Variants in RPS6KA2 observed in about 807,000 individuals in gnomAD.
RPS6KA2 encodes the protein ribosomal protein S6 kinase alpha-2.
A neutral mutation model predicts 91.8 loss-of-function variants in RPS6KA2; 42 were observed. That is an observed-to-expected ratio of 0.46 (90% CI 0.36 to 0.59). The LOEUF is 0.59. RPS6KA2 is among the 20% of genes least tolerant of loss of function. The pLI, the probability that RPS6KA2 is intolerant of heterozygous loss-of-function variation, is 0.00. For synonymous variants in RPS6KA2, 414 were observed against 393.6 expected (o/e 1.05, Z -0.61); for missense variants, 798 against 978.5 (o/e 0.82, Z 2.46).
rs1388731518 is a variant in RPS6KA2 at position 166,412,435 on chromosome 6, T to C, written c.*327A>G. 5.5e-6 allele frequency: 1 copy of C among 182,356 alleles called. No homozygotes were observed. Among genetic ancestry groups the C allele is most frequent in the Admixed American group, 6.2e-5 (1 of 16,226 alleles). 11.3% of individuals were successfully genotyped at this position (182,356 alleles called of 1,614,324 possible). On this transcript the variant is annotated 3_prime_UTR_variant, in exon 21 of 21. Coordinates refer to ENST00000265678, the MANE Select transcript of RPS6KA2 (RefSeq NM_021135.6). This position sits in a 1 kb window ranked among gnomAD's most constrained non-coding sequence, Gnocchi z 4.3. ...GCTTCATAATTGGAAAACAGATCTC[T>C]CGGCAGAAACAGAAGCCATGTATGA...
intron 14 of RPS6KA2, among the ~76,000 whole-genome samples, 184 bp from the exon 15 acceptor site, chr6:166,432,674 C>T (rs778631092): frequency 5.9e-5 from 9 of 152,136 alleles, no homozygotes; most frequent in Non-Finnish European, 1.0e-4. Context: ...TCTTTGACAA[C>T]TAGTGTAAGA....
At chr6:166,785,130 A>C (rs1383314647) in intron 2 of RPS6KA2, among the ~76,000 whole-genome samples, 2 of 152,180 alleles carry the variant, frequency 1.3e-5, no homozygotes, top group African/African-American at 2.4e-5. Flanking sequence ...TTCTTTGGAG[A>C]GCACTGACTA....
At position 166,770,730 on chromosome 6, in the gene RPS6KA2, G is replaced by C. The variant is rs557839451; in HGVS notation, c.123+87470C>G. On this transcript the variant is annotated intron_variant, in intron 2 of 21. Transcript: ENST00000503859. This position sits in a 1 kb window ranked among gnomAD's most constrained non-coding sequence, Gnocchi z 5.1. ...TGGTCCAGCCTTCTAAAAGCTCTTC[G>C]CACCTTGCCTTGCTGGACTCCGGGC... 6.0e-6 allele frequency: 5 copies of C among 827,770 alleles called. No homozygotes were observed. The South Asian group carries it at 8.7e-5, about 14-fold the overall frequency. 51.3% of individuals were successfully genotyped at this position (827,770 alleles called of 1,614,324 possible).
intron 2 of RPS6KA2, among the ~76,000 whole-genome samples, chr6:166,532,321 A>G (rs1163966514): frequency 6.6e-6 from 1 of 152,208 alleles, no homozygotes; most frequent in East Asian, 1.9e-4. Context: ...CTCCCCCCCA[A>G]GACTGGAGGG....
chr6:166,746,070 C>T (rs970650449), intron 2 of RPS6KA2, among the ~76,000 whole-genome samples: 22 of 152,138 alleles, frequency 1.4e-4, no homozygotes, highest in Admixed American at 3.3e-4. Context: ...TTTTCCTGCC[C>T]GGGTCACCTT....
intron 1 of RPS6KA2, among the ~76,000 whole-genome samples, chr6:166,546,719 G>A (rs1783838939): frequency 6.6e-6 from 1 of 152,154 alleles, no homozygotes; most frequent in Non-Finnish European, 1.5e-5. Context: ...TCTTCTCCCA[G>A]ACTCAATTAT....
chr6:166,657,253 T>C (rs1368993005), intron 2 of RPS6KA2, among the ~76,000 whole-genome samples: 1 of 152,022 alleles, frequency 6.6e-6, no homozygotes, highest in Non-Finnish European at 1.5e-5. Flanking sequence ...CAAAGTTAGA[T>C]AAGGGAATGA....
At chr6:166,452,485 T>A (rs1273561973) in intron 12 of RPS6KA2, among the ~76,000 whole-genome samples, 1 of 152,134 alleles carries the variant, frequency 6.6e-6, no homozygotes, top group Non-Finnish European at 1.5e-5. Context: ...AAAGTTAACA[T>A]GGAACCAACA....
chr6:166,676,880 CTT>C (rs1199087321), intron 2 of RPS6KA2, among the ~76,000 whole-genome samples: 2 of 152,194 alleles, frequency 1.3e-5, no homozygotes, highest in African/African-American at 4.8e-5. Flanking sequence ...AATTTTTTCT[CTT>C]GTCCTTCTTG....
chr6:166,609,560 T>C (rs2128531983), intron 1 of RPS6KA2, among the ~76,000 whole-genome samples: 1 of 149,948 alleles, frequency 6.7e-6, no homozygotes, highest in South Asian at 2.1e-4. Context: ...CAGGCTGGAG[T>C]GCAGTCTTGG....
rs1009128461 is a variant in RPS6KA2 at position 166,748,549 on chromosome 6, T to C, written c.123+109651A>G. Among the ~76,000 whole-genome samples, 276 of 66,196 alleles carry C rather than the reference T, an allele frequency of 4.2e-3. 3 individuals carry two copies. The East Asian group carries it at 0.056, about 13-fold the overall frequency. The allele number at this position is 66,196 out of a possible 152,430, so 43.4% of individuals were successfully genotyped here. On this transcript the variant is annotated intron_variant, in intron 2 of 21. Coordinates refer to the RPS6KA2 transcript ENST00000503859. The stretch of plus-strand genomic sequence containing the variant: ...CACCTCCTCGGGCCCCCCATCCCCT[T>C]GGGCCCCCACCTCCTCAGGCCCCCA...
At chr6:166,658,945 C>T (rs1021393941) in intron 2 of RPS6KA2, among the ~76,000 whole-genome samples, 7 of 152,090 alleles carry the variant, frequency 4.6e-5, no homozygotes, top group Non-Finnish European at 8.8e-5. Context: ...CGCCCCGACA[C>T]GTGACTGAGT....
intron 2 of RPS6KA2, among the ~76,000 whole-genome samples, chr6:166,722,554 G>A (rs1790208211): frequency 6.6e-6 from 1 of 152,204 alleles, no homozygotes. Context: ...CAAGACTGGT[G>A]GCTGCAATGG....
intron 2 of RPS6KA2, among the ~76,000 whole-genome samples, chr6:166,783,048 GTATTAT>G (rs71686287): frequency 0.087 from 11,668 of 134,434 alleles, 576 homozygotes; most frequent in African/African-American, 0.13. Context: ...TATCTTTTAG[GTATTAT>G]TATTATTATT....
chr6:166,790,617 G>T (rs1274707596), intron 2 of RPS6KA2, among the ~76,000 whole-genome samples: 3 of 152,198 alleles, frequency 2.0e-5, no homozygotes, highest in African/African-American at 7.2e-5. Flanking sequence ...CAGAGAGAAA[G>T]CTCGGGTTAC....
chr6:166,615,529 G>A (rs1016000948), intron 1 of RPS6KA2, among the ~76,000 whole-genome samples: 4 of 152,148 alleles, frequency 2.6e-5, no homozygotes, highest in Non-Finnish European at 4.4e-5. Context: ...CACATCGGAA[G>A]GACCTGCTGA....
chr6:166,457,856 TG>T (rs1374528015), intron 12 of RPS6KA2, among the ~76,000 whole-genome samples: 2 of 152,242 alleles, frequency 1.3e-5, no homozygotes, highest in Non-Finnish European at 2.9e-5. Context: ...TGACATTTTG[TG>T]GTTGACCATA....
At chr6:166,802,941 TG>T (rs57156281) in intron 2 of RPS6KA2, among the ~76,000 whole-genome samples, 1,584 of 143,930 alleles carry the variant, frequency 0.011, 26 homozygotes, top group African/African-American at 0.04. Context: ...TATGTGTGTG[TG>T]TGTATATATA....
chr6:166,451,121 T>G lies in RPS6KA2; in HGVS notation c.1188A>C (p.Pro396=), dbSNP rs138692855. The change falls in exon 13 of 21, where the codon CCA becomes CCC. Residue 396 remains proline (P), a synonymous_variant. Coordinates refer to ENST00000265678, the MANE Select transcript of RPS6KA2 (RefSeq NM_021135.6). The stretch of plus-strand genomic sequence containing the variant: ...CAGTTACCTGCACGATTGGGTGAAC[T>G]GGGACTTTGTGCAGATCTTGCTGTG... The part of the protein sequence containing the change: ...EPSQQDLHKV[P]VHPIVQQLHG... The G allele has an allele frequency of 6.2e-7, 1 of 1,613,990 alleles. No homozygotes were observed. The highest frequency in any genetic ancestry group is 8.5e-7 in the Non-Finnish European group (1 of 1,179,982).
Sources: gnomAD v4.1 joint callset for allele counts (sites outside exome capture counted in the v4.1 genomes callset) on GRCh38, gnomAD v4.1.1 for gene constraint, Gnocchi (gnomAD v3.1) non-coding constraint, MANE v1.5 for transcripts, NCBI Gene and HGNC (gene_info 2026-07-23, HGNC 2026-07-21) for gene names.